Variants in ASH2L observed in about 807,000 individuals in gnomAD.
The protein encoded by ASH2L is ASH2 like, histone lysine methyltransferase complex subunit.
ASH2L carries 30 observed loss-of-function variants against 81.1 expected under a neutral mutation model. That is an observed-to-expected ratio of 0.37 (90% CI 0.28 to 0.50). ASH2L has a LOEUF of 0.50. ASH2L is among the 20% of genes least tolerant of loss of function. ASH2L has a pLI of 0.95. For missense variants in ASH2L, 559 were observed against 792.1 expected (o/e 0.71, Z 3.53); for synonymous variants, 273 against 279.9 (o/e 0.98, Z 0.24).
intron 12 of ASH2L, among the ~76,000 whole-genome samples, chr8:38,132,421 A>T (rs1020296735): frequency 6.6e-6 from 1 of 152,242 alleles, no homozygotes; most frequent in Non-Finnish European, 1.5e-5. Context: ...ACCAGTAAGA[A>T]AGAGGTGACC....
intron 10 of ASH2L, chr8:38,124,423 A>G (rs1334985243): frequency 6.6e-6 from 1 of 151,560 alleles, no homozygotes; most frequent in Admixed American, 6.6e-5. Context: ...GTTGCCCAGG[A>G]TGGTCTTGAA....
At chr8:38,133,858 G>A (rs984930310) in intron 13 of ASH2L, among the ~76,000 whole-genome samples, 11 of 152,262 alleles carry the variant, frequency 7.2e-5, no homozygotes, top group South Asian at 2.1e-4. Context: ...CCATGATGAC[G>A]ATGGCGGTTT....
At chr8:38,120,245 C>T (rs1811080331) in intron 9 of ASH2L, among the ~76,000 whole-genome samples, 1 of 152,058 alleles carries the variant, frequency 6.6e-6, no homozygotes, top group Non-Finnish European at 1.5e-5. Context: ...GCCTGGGGAA[C>T]CTAGGGAGTG....
Position 38,106,129 on chromosome 8 carries a change from C to CTCTA in ASH2L, c.189-248_189-245dup, listed in dbSNP as rs949647115. The stretch of plus-strand genomic sequence containing the variant: ...CTCTTTGAACCTCTCCCAGGACCAA[C>CTCTA]TCTAACCCAGGTAGATTTGACTGTA... On this transcript the variant is annotated intron_variant, in intron 1 of 15. Coordinates refer to ENST00000343823, the MANE Select transcript of ASH2L (RefSeq NM_004674.5). 4 of 1,528,766 alleles carry CTCTA rather than the reference C, an allele frequency of 2.6e-6. No homozygotes were observed. The African/African-American group carries it at 5.5e-5, about 21-fold the overall frequency. The allele number at this position is 1,528,766 out of a possible 1,614,324, so 94.7% of individuals were successfully genotyped here.
intron 7 of ASH2L, among the ~76,000 whole-genome samples, chr8:38,116,179 C>T (rs1810887853): frequency 6.6e-6 from 1 of 152,168 alleles, no homozygotes; most frequent in African/African-American, 2.4e-5. Flanking sequence ...GCCTAGCCAA[C>T]ATGGTGAAAC....
At chr8:38,110,976 T>TC in intron 5 of ASH2L, 143 bp downstream of exon 5, 1 of 735,454 alleles carries the variant, frequency 1.4e-6, no homozygotes, top group Non-Finnish European at 2.3e-6. Context: ...TCTTTTTTTT[T>TC]CAAGATGGAA....
intron 9 of ASH2L, among the ~76,000 whole-genome samples, chr8:38,120,359 A>T (rs1315285602): frequency 6.6e-6 from 1 of 152,006 alleles, no homozygotes; most frequent in Admixed American, 6.6e-5. Flanking sequence ...CTCCCTTCTC[A>T]TGCCTTTTCC....
intron 5 of ASH2L, among the ~76,000 whole-genome samples, chr8:38,112,041 C>G (rs1172044506): frequency 6.6e-6 from 1 of 152,162 alleles, no homozygotes; most frequent in Non-Finnish European, 1.5e-5. Context: ...GGGTTTTGCT[C>G]TATTACCCAG....
intron 8 of ASH2L, among the ~76,000 whole-genome samples, chr8:38,118,103 C>G (rs931430470): frequency 6.6e-6 from 1 of 152,160 alleles, no homozygotes; most frequent in African/African-American, 2.4e-5. Context: ...GTTACTTAAA[C>G]TAGAGATGAT....
Position 38,133,408 on chromosome 8 carries a change from G to A in ASH2L, c.1528-46G>A, listed in dbSNP as rs1022072603. On this transcript the variant is annotated intron_variant, in intron 12 of 15. Coordinates refer to ENST00000343823, the MANE Select transcript of ASH2L (RefSeq NM_004674.5). ...GCGGATGCGTTTTTTTCATGATGAT[G>A]GAGCTGATGCTTTATTGTGCCTTTT... The A allele has an allele frequency of 3.6e-6, 5 of 1,371,484 alleles. No individual in the cohort carries two copies. In the African/African-American group the frequency reaches 5.7e-5, roughly 16 times the overall value. The allele number at this position is 1,371,484 out of a possible 1,614,324, so 85.0% of individuals were successfully genotyped here.
intron 5 of ASH2L, among the ~76,000 whole-genome samples, chr8:38,113,753 C>T (rs951864468): frequency 2.6e-5 from 4 of 152,190 alleles, no homozygotes; most frequent in African/African-American, 9.7e-5. Flanking sequence ...GAATAGAAAT[C>T]CATAAAGCAG....
At chr8:38,115,132 A>G in intron 7 of ASH2L, 132 bp downstream of exon 7, 1 of 629,902 alleles carries the variant, frequency 1.6e-6, no homozygotes, top group Non-Finnish European at 2.9e-6. Flanking sequence ...GTGGACTCCA[A>G]AAAAATAGTG....
At chr8:38,110,555 C>G (rs1810640601) in intron 4 of ASH2L, 88 bp downstream of exon 4, 1 of 1,339,742 alleles carries the variant, frequency 7.5e-7, no homozygotes, top group Admixed American at 1.8e-5. Context: ...AGACCTTTGC[C>G]TAGTAGCTGG....
chr8:38,121,253 G>A (rs1811129885), intron 10 of ASH2L, 104 bp downstream of exon 10: 2 of 959,598 alleles, frequency 2.1e-6, no homozygotes, highest in African/African-American at 3.3e-5. Context: ...TGTTGCCACT[G>A]CCTCACCCCC....
intron 10 of ASH2L, 77 bp from the exon 11 acceptor site, chr8:38,128,214 G>A (rs1268895532): frequency 2.0e-6 from 3 of 1,534,152 alleles, no homozygotes; most frequent in Non-Finnish European, 2.7e-6. Flanking sequence ...TGTTTTATTG[G>A]ACTAATGTTT....
intron 9 of ASH2L, among the ~76,000 whole-genome samples, chr8:38,120,618 T>TCCCCCCCCCCCCCC: frequency 8.7e-4 from 4 of 4,582 alleles, no homozygotes; most frequent in Non-Finnish European, 7.0e-3. Flanking sequence ...TCTCCTCCCT[T>TCCCCCCCCCCCCCC]CCCCCCCCCC....
chr8:38,112,291 A>G (rs951055344), intron 5 of ASH2L, among the ~76,000 whole-genome samples: 10 of 150,592 alleles, frequency 6.6e-5, no homozygotes, highest in African/African-American at 2.5e-4. Context: ...AAACCAACAC[A>G]CCCAGCCCCT....
rs143179724 is a variant in ASH2L at position 38,107,120 on chromosome 8, A to C, written c.355A>C (p.Ile119Leu). 2.4e-5 allele frequency: 38 copies of C among 1,614,156 alleles called. No homozygotes were observed. The highest frequency in any genetic ancestry group is 1.7e-5 in the Non-Finnish European group (20 of 1,180,022). The change falls in exon 3 of 16, where the codon ATT (isoleucine) becomes CTT (leucine). Residue 119 changes from isoleucine (I) to leucine (L), a missense_variant. Physicochemically the swap from Ile to Leu is conservative, Grantham distance 5 (BLOSUM62 2). This residue lies in a region of ASH2L where 318 missense variants were observed against 527.0 expected (regional missense o/e 0.60). Coordinates refer to ENST00000343823, the MANE Select transcript of ASH2L (RefSeq NM_004674.5). Reference protein sequence around the residue: ...QLGEVELQCGICTKWFTADTF... With the variant: ...QLGEVELQCGLCTKWFTADTF... ...GGGTGAGGTAGAGCTGCAATGTGGG[A>C]TTTGTACAAAATGGTTCACGGCTGA...
chr8:38,116,572 A>G, intron 7 of ASH2L, 78 bp from the exon 8 acceptor site: 1 of 1,135,248 alleles, frequency 8.8e-7, no homozygotes, highest in Non-Finnish European at 1.3e-6. Context: ...CCATTCTGTT[A>G]GAATTTCTCT....
Sources: gnomAD v4.1 joint callset for allele counts (sites outside exome capture counted in the v4.1 genomes callset) on GRCh38, gnomAD v4.1.1 for gene constraint, gnomAD v4.1.1 regional missense constraint, MANE v1.5 for transcripts, NCBI Gene and HGNC (gene_info 2026-07-23, HGNC 2026-07-21) for gene names.